APOL3: variants seen among roughly 807,000 people sequenced by gnomAD.
The protein encoded by APOL3 is apolipoprotein L3, also known as TNF-inducible protein CG12-1.
Under a neutral mutation model 11.6 loss-of-function variants are expected in APOL3, and 14 were observed. The ratio of observed to expected loss-of-function variants is 1.21; its 90% CI spans 0.80 to 1.89. The LOEUF is 1.89. APOL3 is among the 40% of genes most tolerant of loss of function. The probability of loss-of-function intolerance (pLI) is 0.00; values close to 1 mark genes in which losing one functional copy is unlikely to be tolerated. For missense variants in APOL3, 483 were observed against 492.1 expected, an observed-to-expected ratio of 0.98 and a Z score of 0.17; for synonymous variants, 192 against 190.6, an observed-to-expected ratio of 1.01 and a Z score of -0.06.
intron 2 of APOL3, 105 bp downstream of exon 3, chr22:36,145,368 G>A: frequency 1.4e-6 from 2 of 1,419,138 alleles, no homozygotes; most frequent in Non-Finnish European, 1.9e-6. Context: ...AAGTTCAGCA[G>A]AGGGGGCTGC....
chr22:36,158,523 T>G (rs2013267763), intron 1 of APOL3, among the ~76,000 whole-genome samples: 1 of 152,000 alleles, frequency 6.6e-6, no homozygotes, highest in African/African-American at 2.4e-5. Flanking sequence ...CTATGCCCAT[T>G]AAGACTAAGG....
upstream of APOL3, among the ~76,000 whole-genome samples, chr22:36,162,519 C>T (rs1569530133): frequency 1.3e-5 from 2 of 152,156 alleles, no homozygotes; most frequent in Non-Finnish European, 2.9e-5. Context: ...CAGATGACAT[C>T]GTCCTTTACT....
chr22:36,157,427 A>C (rs2013079899), intron 1 of APOL3, among the ~76,000 whole-genome samples: 1 of 152,250 alleles, frequency 6.6e-6, no homozygotes, highest in South Asian at 2.1e-4. Context: ...AAGAAGAAGA[A>C]ACAAATTCTT....
intron 2 of APOL3, among the ~76,000 whole-genome samples, chr22:36,143,676 G>A (rs2060083643): frequency 6.6e-6 from 1 of 152,178 alleles, no homozygotes; most frequent in African/African-American, 2.4e-5. Flanking sequence ...TATTAGTCCT[G>A]GCTGCACATG....
At chr22:36,149,361 G>A (rs2060343403) in intron 1 of APOL3, 1 of 1,306,260 alleles carries the variant, frequency 7.7e-7, no homozygotes, top group African/African-American at 1.5e-5. Context: ...CCAAGGCAGG[G>A]TCCTTTTGTC....
chr22:36,158,800 G>A (rs1202009321), intron 1 of APOL3, among the ~76,000 whole-genome samples: 1 of 152,090 alleles, frequency 6.6e-6, no homozygotes, highest in Admixed American at 6.6e-5. Context: ...CTGGGCGACA[G>A]AGCAAGACTC....
chr22:36,144,021 C>T (rs2060096503), intron 2 of APOL3, among the ~76,000 whole-genome samples: 1 of 152,138 alleles, frequency 6.6e-6, no homozygotes, highest in Non-Finnish European at 1.5e-5. Flanking sequence ...CCCGAAGAAA[C>T]ACTTCCTCTA....
chr22:36,149,774 C>G (rs192582241), intron 1 of APOL3: 5 of 453,238 alleles, frequency 1.1e-5, no homozygotes, highest in East Asian at 7.0e-5. Flanking sequence ...TGCATACATG[C>G]TTATTGTAAA....
chr22:36,149,022 G>T, intron 1 of APOL3, 24 bp downstream of exon 2: 1 of 1,368,222 alleles, frequency 7.3e-7, no homozygotes, highest in South Asian at 1.1e-5. Flanking sequence ...GAACCAGCCA[G>T]GGAAGAGGAA....
chr22:36,140,432 T>C (rs1290759106), exon 3 of APOL3: 1 of 152,218 alleles, frequency 6.6e-6, no homozygotes, highest in African/African-American at 2.4e-5. Flanking sequence ...TCAGTTAATT[T>C]TCTGTCTCTT....
At chr22:36,160,812 A>C in exon 1 of APOL3, 2 of 1,614,192 alleles carry the variant, frequency 1.2e-6, no homozygotes, top group Non-Finnish European at 1.7e-6. Flanking sequence ...AGGGAAAGTG[A>C]AAGTCACAAC....
intron 1 of APOL3, among the ~76,000 whole-genome samples, chr22:36,150,208 T>G (rs1182164400): frequency 6.6e-6 from 1 of 152,152 alleles, no homozygotes; most frequent in Non-Finnish European, 1.5e-5. Context: ...CAAATGTTGA[T>G]TATGTTTAGG....
chr22:36,159,110 C>A (rs771956978), intron 1 of APOL3: 1 of 152,166 alleles, frequency 6.6e-6, no homozygotes, highest in African/African-American at 2.4e-5. Flanking sequence ...TCTGAGGAGC[C>A]AGGCCCACCC....
At chr22:36,150,238 A>G (rs2060383618) in intron 1 of APOL3, among the ~76,000 whole-genome samples, 1 of 152,194 alleles carries the variant, frequency 6.6e-6, no homozygotes, top group African/African-American at 2.4e-5. Context: ...AAGAAGGTAG[A>G]AGAACATTTA....
At chr22:36,164,263 T>G (rs1353918122), upstream of APOL3, among the ~76,000 whole-genome samples, 2 of 152,218 alleles carry the variant, frequency 1.3e-5, no homozygotes, top group African/African-American at 4.8e-5. Flanking sequence ...TTTCCATTCC[T>G]GCTTCTGAGT....
rs190929829 is a variant in APOL3, at chr22:36,149,472, G to A, written c.224-3873C>T. On this transcript the variant is annotated intron_variant, in intron 1 of 2. Transcript: ENST00000349314. ...CACCGAAATAGAGATGGGAAGGAAC[G>A]TTCTGACAATGACCTGGGCCTGGCA... 1.3e-3 allele frequency: 1,476 copies of A among 1,101,620 alleles called. 3 individuals carry two copies. Among genetic ancestry groups the A allele is most frequent in the Non-Finnish European group, 1.7e-3 (1,365 of 808,988 alleles). 68.2% of individuals were successfully genotyped at this position (1,101,620 alleles called of 1,614,324 possible).
At chr22:36,164,359 T>C (rs768446494), upstream of APOL3, among the ~76,000 whole-genome samples, 24 of 152,180 alleles carry the variant, frequency 1.6e-4, no homozygotes, top group Admixed American at 1.4e-3. Flanking sequence ...CCACAGTCAA[T>C]TGCATACTCC....
chr22:36,149,257 A>T, intron 1 of APOL3, 115 bp from the exon 2 acceptor site: 3 of 1,305,542 alleles, frequency 2.3e-6, no homozygotes, highest in Non-Finnish European at 3.0e-6. Flanking sequence ...GCCAAGACCA[A>T]CCTAGCCCGG....
chr22:36,149,537 G>A (rs974656347), intron 1 of APOL3, among the ~76,000 whole-genome samples: 5 of 152,224 alleles, frequency 3.3e-5, no homozygotes, highest in Non-Finnish European at 5.9e-5. Context: ...AGTGTGTACT[G>A]GGTGTCTGTG....
Sources: allele counts gnomAD v4.1 joint callset (sites outside exome capture counted in the v4.1 genomes callset), GRCh38; gene constraint gnomAD v4.1.1; transcripts MANE v1.5; gene names NCBI Gene and HGNC (gene_info 2026-07-23, HGNC 2026-07-21).